The following PCDH15 variants were observed in gnomAD, a reference collection of about 807,000 sequenced individuals.
PCDH15 encodes protocadherin-15.
A neutral mutation model predicts 178.5 loss-of-function variants in PCDH15; 129 were observed. The ratio of observed to expected loss-of-function variants is 0.72; its 90% CI spans 0.63 to 0.84. PCDH15 has a LOEUF of 0.84. Among genes scored for constraint, PCDH15 ranks in the 40% least tolerant of loss-of-function variants. The probability of loss-of-function intolerance (pLI) is 0.00; values close to 1 mark genes in which losing one functional copy is unlikely to be tolerated. For synonymous variants in PCDH15, 800 were observed against 732.0 expected (o/e 1.09, Z -1.50); for missense variants, 2,230 against 2,099.9 (o/e 1.06, Z -1.21).
At chr10:54,731,993 A>G (rs948474710) in intron 1 of PCDH15, among the ~76,000 whole-genome samples, 1 of 151,398 alleles carries the variant, frequency 6.6e-6, no homozygotes, top group African/African-American at 2.4e-5. Context: ...GGATATCTCA[A>G]TTACACTGAT....
chr10:54,051,169 G>A (rs2093765056), intron 18 of PCDH15, among the ~76,000 whole-genome samples: 1 of 152,172 alleles, frequency 6.6e-6, no homozygotes, highest in Admixed American at 6.5e-5. Context: ...GACTAGTACA[G>A]TACATTGGTA....
Position 54,755,554 on chromosome 10 carries a change from G to A in PCDH15, c.-29+45371C>T, listed in dbSNP as rs1039404964. ...ATTTATAATCCTAGACACGTTTTAG[G>A]AAGAGAATTTGAATGGAATAAACAG... On this transcript the variant is annotated intron_variant, in intron 1 of 37. Coordinates refer to ENST00000644397, the MANE Select transcript of PCDH15 (RefSeq NM_001384140.1). 1.1e-4 allele frequency among the ~76,000 whole-genome samples: 16 copies of A among 151,974 alleles called. 1 individual carries two copies. Among genetic ancestry groups the A allele is most frequent in the South Asian group, 4.1e-4 (2 of 4,820 alleles).
chr10:54,755,218 C>T (rs368568531), intron 1 of PCDH15, among the ~76,000 whole-genome samples: 19 of 152,240 alleles, frequency 1.2e-4, no homozygotes, highest in East Asian at 9.6e-4. Flanking sequence ...AGCCTTCAGC[C>T]ACTGCACCCA....
chr10:53,806,717 T>G lies in PCDH15; in HGVS notation c.5085A>C (p.Thr1695=). The change falls in exon 38 of 38, where the codon ACA becomes ACC. Residue 1695 remains threonine (T), a synonymous_variant. Coordinates refer to ENST00000644397, the MANE Select transcript of PCDH15 (RefSeq NM_001384140.1). ...VKPLRNRLKS[T]VEQESMIDSK... ...TGTCAATCATGGACTCCTGTTCAACTGTGCTTTTCAGCCTGTTCCTTAGTG... is the reference window on the plus strand; with the variant it reads ...TGTCAATCATGGACTCCTGTTCAACGGTGCTTTTCAGCCTGTTCCTTAGTG... 1 of 1,613,904 alleles carries G rather than the reference T, an allele frequency of 6.2e-7. No individual in the cohort carries two copies. The highest frequency in any genetic ancestry group is 8.5e-7 in the Non-Finnish European group (1 of 1,179,814).
intron 3 of PCDH15, among the ~76,000 whole-genome samples, chr10:54,424,687 T>C (rs566384964): frequency 2.0e-5 from 3 of 151,916 alleles, no homozygotes; most frequent in Non-Finnish European, 1.5e-5. Context: ...CCATAAAAAA[T>C]GATGAGTTCA....
chr10:53,899,210 T>A (rs2082165339), intron 26 of PCDH15, among the ~76,000 whole-genome samples: 1 of 151,918 alleles, frequency 6.6e-6, no homozygotes, highest in Non-Finnish European at 1.5e-5. Flanking sequence ...TTTTTGTTGC[T>A]TCCATATTTT....
At chr10:55,233,248 C>G (rs1353404572) in intron 1 of PCDH15, among the ~76,000 whole-genome samples, 1 of 151,952 alleles carries the variant, frequency 6.6e-6, no homozygotes, top group Non-Finnish European at 1.5e-5. Context: ...CACGTTTCTC[C>G]TTTATATACA....
At chr10:54,466,720 G>C (rs2077543972) in intron 3 of PCDH15, among the ~76,000 whole-genome samples, 1 of 151,856 alleles carries the variant, frequency 6.6e-6, no homozygotes, top group Non-Finnish European at 1.5e-5. Flanking sequence ...TTGGCGTTTT[G>C]ATAGAGATTG....
At chr10:55,170,068 C>T (rs1839291226) in intron 1 of PCDH15, among the ~76,000 whole-genome samples, 1 of 151,920 alleles carries the variant, frequency 6.6e-6, no homozygotes, top group South Asian at 2.1e-4. Flanking sequence ...GAACTTGATG[C>T]TTTACAATGC....
intron 2 of PCDH15, among the ~76,000 whole-genome samples, chr10:55,377,158 A>G (rs1334270110): frequency 2.0e-5 from 3 of 151,274 alleles, no homozygotes; most frequent in East Asian, 1.9e-4. Context: ...AAAAAAAAAA[A>G]AAAAAGAAAA....
At chr10:55,195,512 C>T (rs1240458896) in intron 1 of PCDH15, among the ~76,000 whole-genome samples, 3 of 146,840 alleles carry the variant, frequency 2.0e-5, no homozygotes, top group Admixed American at 1.4e-4. Context: ...AAAAATTAGG[C>T]GGGCATGGTG....
At chr10:54,833,083 T>C (rs1245837549) in intron 3 of PCDH15, among the ~76,000 whole-genome samples, 1 of 152,184 alleles carries the variant, frequency 6.6e-6, no homozygotes, top group Non-Finnish European at 1.5e-5. Flanking sequence ...ACGTATGTTA[T>C]CTAATTTAAT....
chr10:55,550,267 G>A (rs1409516846), intron 2 of PCDH15, among the ~76,000 whole-genome samples: 1 of 152,084 alleles, frequency 6.6e-6, no homozygotes, highest in African/African-American at 2.4e-5. Flanking sequence ...TAAAAATGAT[G>A]GGTGGTGAAA....
intron 2 of PCDH15, among the ~76,000 whole-genome samples, chr10:55,098,939 T>C (rs375989270): frequency 6.7e-4 from 66 of 97,794 alleles, no homozygotes; most frequent in African/African-American, 3.0e-3. Flanking sequence ...AGAGAGCTCT[T>C]ATCCTTTCTC....
intron 2 of PCDH15, among the ~76,000 whole-genome samples, chr10:55,150,072 G>C (rs867373957): frequency 6.0e-5 from 2 of 33,484 alleles, no homozygotes; most frequent in Non-Finnish European, 8.0e-5. Flanking sequence ...GAGGAGAGGA[G>C]GGGGAGGGGA....
At chr10:54,312,591 G>A (rs951367060) in intron 8 of PCDH15, among the ~76,000 whole-genome samples, 1 of 152,048 alleles carries the variant, frequency 6.6e-6, no homozygotes, top group Non-Finnish European at 1.5e-5. Context: ...CTTGCTGTGA[G>A]GAAGCCCCAA....
chr10:54,156,794 T>G (rs112512712), intron 13 of PCDH15, among the ~76,000 whole-genome samples: 4,347 of 152,304 alleles, frequency 0.029, 214 homozygotes, highest in African/African-American at 0.1. Context: ...GTTAGTTACT[T>G]CCTACATACA....
At chr10:54,040,743 A>T (rs1257049233) in intron 18 of PCDH15, among the ~76,000 whole-genome samples, 2 of 152,026 alleles carry the variant, frequency 1.3e-5, no homozygotes, top group Non-Finnish European at 1.5e-5. Flanking sequence ...CATGATGAAA[A>T]AACATTACCA....
intron 3 of PCDH15, among the ~76,000 whole-genome samples, chr10:54,837,142 A>G (rs1479260725): frequency 6.6e-6 from 1 of 152,148 alleles, no homozygotes; most frequent in Non-Finnish European, 1.5e-5. Context: ...TTCATTAAAA[A>G]GAAAGATTTA....
Sources: gnomAD v4.1 joint callset for allele counts (sites outside exome capture counted in the v4.1 genomes callset) on GRCh38, gnomAD v4.1.1 for gene constraint, MANE v1.5 for transcripts, NCBI Gene and HGNC (gene_info 2026-07-23, HGNC 2026-07-21) for gene names.